Variants in SNX29 observed in about 807,000 individuals in gnomAD.
SNX29 encodes sorting nexin-29.
Under a neutral mutation model 102.1 loss-of-function variants are expected in SNX29, and 78 were observed. The observed-to-expected ratio is 0.76, with a 90% CI of 0.64 to 0.92. The LOEUF (loss-of-function observed/expected upper bound fraction) is 0.92. Among genes scored for constraint, SNX29 ranks in the 40% least tolerant of loss-of-function variants. The pLI is 0.00. For missense variants in SNX29, 1,280 were observed against 1,061.7 expected (o/e 1.21, Z -2.86); for synonymous variants, 580 against 414.5 (o/e 1.40, Z -4.85).
At chr16:12,405,461 G>A (rs984249076) in intron 18 of SNX29, among the ~76,000 whole-genome samples, 1 of 152,180 alleles carries the variant, frequency 6.6e-6, no homozygotes, top group South Asian at 2.1e-4. Context: ...AGGCCTGGCC[G>A]CTCTGCATCG....
chr16:12,482,761 A>G (rs1031275554), intron 19 of SNX29, among the ~76,000 whole-genome samples: 1 of 152,214 alleles, frequency 6.6e-6, no homozygotes, highest in African/African-American at 2.4e-5. Context: ...CTGAATGTCT[A>G]TATATTTCCC....
intron 20 of SNX29, among the ~76,000 whole-genome samples, chr16:12,534,882 G>C (rs1002095087): frequency 2.6e-5 from 4 of 152,200 alleles, no homozygotes; most frequent in Admixed American, 6.5e-5. Context: ...AGTGCCACGA[G>C]AATCTAGTGG....
chr16:12,117,293 C>G (rs1382614829), intron 11 of SNX29, among the ~76,000 whole-genome samples: 2 of 144,618 alleles, frequency 1.4e-5, no homozygotes, highest in East Asian at 4.2e-4. Context: ...CGCGGACGAA[C>G]CGTGGAAACA....
intron 14 of SNX29, among the ~76,000 whole-genome samples, chr16:12,258,460 G>T (rs1036648892): frequency 1.3e-5 from 2 of 152,114 alleles, no homozygotes; most frequent in Admixed American, 6.5e-5. Context: ...CTCCATGTCT[G>T]CAGGAGCTCT....
At chr16:12,159,137 C>T (rs568790855) in intron 13 of SNX29, among the ~76,000 whole-genome samples, 2 of 152,268 alleles carry the variant, frequency 1.3e-5, no homozygotes, top group South Asian at 2.1e-4. Flanking sequence ...TGAGGACACC[C>T]GTCTAACAAA....
In SNX29 at chr16:12,052,007, C is replaced by G; in HGVS notation, c.909C>G (p.Ile303Met). 6.2e-7 allele frequency: 1 copy of G among 1,613,968 alleles called. No individual in the cohort carries two copies. Among genetic ancestry groups the G allele is most frequent in the Non-Finnish European group, 8.5e-7 (1 of 1,179,870 alleles). Residue 303 changes from isoleucine to methionine, a missense_variant, in exon 8 of 21, where the codon ATC (isoleucine) becomes ATG (methionine). Coordinates refer to ENST00000566228, the MANE Select transcript of SNX29 (RefSeq NM_032167.5). The stretch of plus-strand genomic sequence containing the variant: ...ACTCCGACCGCTCCTCTGTCAATAT[C>G]ATGTCCGCCTTTGAAAGCCCCTTCG... The part of the protein sequence containing the change: ...EDNSDRSSVN[I>M]MSAFESPFGP...
intron 15 of SNX29, among the ~76,000 whole-genome samples, chr16:12,334,546 A>G (rs543411485): frequency 2.3e-4 from 35 of 152,184 alleles, no homozygotes; most frequent in Non-Finnish European, 4.4e-4. Context: ...CGCAAACATT[A>G]TGGGACCCCT....
chr16:12,538,525 C>T (rs369925298), intron 20 of SNX29, among the ~76,000 whole-genome samples: 18 of 152,206 alleles, frequency 1.2e-4, no homozygotes, highest in Admixed American at 4.6e-4. Context: ...TAACATATTG[C>T]TTATGCGTGA....
intron 20 of SNX29, among the ~76,000 whole-genome samples, chr16:12,566,361 C>T (rs1041254330): frequency 2.6e-5 from 4 of 152,188 alleles, no homozygotes; most frequent in African/African-American, 7.2e-5. Context: ...TGCTACCTCT[C>T]CTCTCCCAAC....
chr16:12,154,088 A>G (rs889825846), intron 13 of SNX29, among the ~76,000 whole-genome samples: 1 of 152,170 alleles, frequency 6.6e-6, no homozygotes, highest in Non-Finnish European at 1.5e-5. Flanking sequence ...ACAAATAATT[A>G]GAAGTTTGGG....
At chr16:12,538,193 G>A (rs569563144) in intron 20 of SNX29, among the ~76,000 whole-genome samples, 54 of 152,174 alleles carry the variant, frequency 3.5e-4, no homozygotes, top group East Asian at 9.7e-4. Context: ...TAGGCTCACC[G>A]CAAGCTCTGT....
chr16:12,476,209 C>G (rs1216938309), intron 18 of SNX29, among the ~76,000 whole-genome samples: 1 of 149,402 alleles, frequency 6.7e-6, no homozygotes, highest in Non-Finnish European at 1.5e-5. Context: ...GTAATCCCAG[C>G]TACTCGGGAG....
intron 20 of SNX29, chr16:12,527,029 A>C (rs1473952914): frequency 4.9e-6 from 2 of 405,310 alleles, no homozygotes; most frequent in African/African-American, 4.0e-5. Context: ...GTGGCAAATG[A>C]CACAGTGTTG....
At chr16:12,005,374 C>T (rs2056419610) in intron 3 of SNX29, among the ~76,000 whole-genome samples, 1 of 151,984 alleles carries the variant, frequency 6.6e-6, no homozygotes, top group South Asian at 2.1e-4. Flanking sequence ...TGTATATGTG[C>T]ATGAGTGTGT....
chr16:12,512,450 G>A (rs1294902729), intron 19 of SNX29, among the ~76,000 whole-genome samples: 2 of 133,966 alleles, frequency 1.5e-5, no homozygotes, highest in African/African-American at 5.5e-5. Context: ...GTCTCCCTCT[G>A]TTGCCCAGGC....
At chr16:12,307,874 C>T (rs376313169) in intron 15 of SNX29, among the ~76,000 whole-genome samples, 26 of 152,220 alleles carry the variant, frequency 1.7e-4, no homozygotes, top group African/African-American at 6.3e-4. Flanking sequence ...ATGACCCTGA[C>T]CTTCTGAACT....
chr16:12,474,299 C>T lies in SNX29; in HGVS notation c.2038-3420C>T, dbSNP rs764641505. Among the ~76,000 whole-genome samples the T allele has an allele frequency of 4.6e-5, 7 of 152,242 alleles. No homozygotes were observed. In the East Asian group the frequency reaches 5.8e-4, roughly 13 times the overall value. ...TAGGACTCAACACATAATAGGTGGG[C>T]GGATCCTGGGTGCAGATTTAGGCCT... On this transcript the variant is annotated intron_variant, in intron 18 of 20. Coordinates refer to ENST00000566228, the MANE Select transcript of SNX29 (RefSeq NM_032167.5).
intron 13 of SNX29, among the ~76,000 whole-genome samples, chr16:12,196,619 T>C (rs549606285): frequency 9.2e-6 from 1 of 108,604 alleles, no homozygotes; most frequent in African/African-American, 2.7e-5. Context: ...TTTTTTCTTT[T>C]TTCTTTTTTT....
At chr16:12,182,400 T>C (rs2076407377) in intron 13 of SNX29, among the ~76,000 whole-genome samples, 1 of 152,126 alleles carries the variant, frequency 6.6e-6, no homozygotes, top group African/African-American at 2.4e-5. Context: ...AATAGGCCAA[T>C]TGATTACGGT....
Sources: allele counts gnomAD v4.1 joint callset (sites outside exome capture counted in the v4.1 genomes callset), GRCh38; gene constraint gnomAD v4.1.1; transcripts MANE v1.5; gene names NCBI Gene and HGNC (gene_info 2026-07-23, HGNC 2026-07-21).